The following PPP4R2 variants were observed in gnomAD, a reference collection of about 807,000 sequenced individuals.
PPP4R2 encodes the protein serine/threonine-protein phosphatase 4 regulatory subunit 2.
PPP4R2 carries 13 observed loss-of-function variants against 47.2 expected under a neutral mutation model. That is an observed-to-expected ratio of 0.28 (90% CI 0.18 to 0.44). The LOEUF is 0.44. Among genes scored for constraint, PPP4R2 ranks in the 20% least tolerant of loss-of-function variants. PPP4R2 has a pLI of 1.00. For missense variants in PPP4R2, 421 were observed against 491.2 expected, an observed-to-expected ratio of 0.86 and a Z score of 1.35; for synonymous variants, 151 against 163.3, an observed-to-expected ratio of 0.92 and a Z score of 0.57.
At chr3:73,037,507 C>A (rs550051308) in intron 2 of PPP4R2, among the ~76,000 whole-genome samples, 3 of 151,916 alleles carry the variant, frequency 2.0e-5, no homozygotes, top group Admixed American at 6.6e-5. Context: ...TGACTAGAGA[C>A]TTTTTTTTAC....
At chr3:73,044,635 A>G (rs1702448312) in intron 2 of PPP4R2, among the ~76,000 whole-genome samples, 1 of 151,442 alleles carries the variant, frequency 6.6e-6, no homozygotes, top group Admixed American at 6.6e-5. Context: ...ATACTTGTTC[A>G]CTTGTTTTTT....
chr3:73,060,257 T>C (rs749057728), intron 4 of PPP4R2, among the ~76,000 whole-genome samples: 6 of 152,192 alleles, frequency 3.9e-5, no homozygotes, highest in Non-Finnish European at 7.3e-5. Context: ...TTGAATAATA[T>C]CCCCAAAGGC....
chr3:73,045,394 T>C (rs1290800872), intron 2 of PPP4R2, among the ~76,000 whole-genome samples: 1 of 152,194 alleles, frequency 6.6e-6, no homozygotes, highest in African/African-American at 2.4e-5. Flanking sequence ...AGAATAAAAA[T>C]TGTCCAGACT....
chr3:73,063,922 G>A (rs1702927602), intron 6 of PPP4R2, 81 bp from the exon 7 acceptor site: 1 of 1,277,184 alleles, frequency 7.8e-7, no homozygotes, highest in Non-Finnish European at 1.1e-6. Context: ...AAATACTTCT[G>A]TGATGTATTC....
chr3:73,040,038 G>A (rs1430552991), intron 2 of PPP4R2, among the ~76,000 whole-genome samples: 1 of 152,142 alleles, frequency 6.6e-6, no homozygotes, highest in Non-Finnish European at 1.5e-5. Flanking sequence ...GGCGACAAGA[G>A]TGAAACTCTG....
At chr3:73,062,466 T>C (rs1553651759) in intron 5 of PPP4R2, 20 of 1,612,832 alleles carry the variant, frequency 1.2e-5, no homozygotes, top group Admixed American at 5.0e-5. Flanking sequence ...TTTAGTATTC[T>C]TGTGTTTCAT....
intron 2 of PPP4R2, among the ~76,000 whole-genome samples, chr3:73,036,847 C>G (rs1702271520): frequency 1.4e-5 from 2 of 147,114 alleles, no homozygotes; most frequent in African/African-American, 5.0e-5. Flanking sequence ...AAACGAATAC[C>G]AAAATATTAG....
chr3:73,063,356 C>G (rs979926877), intron 5 of PPP4R2: 18 of 212,060 alleles, frequency 8.5e-5, no homozygotes, highest in African/African-American at 3.0e-4. Context: ...GGTGTGGTGG[C>G]TTAACGCCTG....
chr3:72,998,368 G>GT (rs1701394209), intron 2 of PPP4R2, among the ~76,000 whole-genome samples: 1 of 152,158 alleles, frequency 6.6e-6, no homozygotes, highest in Non-Finnish European at 1.5e-5. Flanking sequence ...AAAAACCTGT[G>GT]TATGTTAAAA....
At chr3:73,053,534 A>G (rs1289869018) in intron 3 of PPP4R2, among the ~76,000 whole-genome samples, 2 of 152,204 alleles carry the variant, frequency 1.3e-5, no homozygotes, top group Admixed American at 6.5e-5. Flanking sequence ...AGCTTTGACA[A>G]TTGCTATAGA....
chr3:73,053,247 C>A (rs749124698), intron 3 of PPP4R2, among the ~76,000 whole-genome samples: 47 of 147,498 alleles, frequency 3.2e-4, no homozygotes, highest in Non-Finnish European at 6.1e-4. Context: ...CAAACCCACA[C>A]CCACCCACCC....
chr3:73,001,922 C>T (rs114023959), intron 2 of PPP4R2, among the ~76,000 whole-genome samples: 27 of 152,274 alleles, frequency 1.8e-4, no homozygotes, highest in South Asian at 6.2e-4. Context: ...CCATCGCCCC[C>T]GGCCCCATCT....
chr3:73,006,910 G>T (rs1701621196), intron 2 of PPP4R2, among the ~76,000 whole-genome samples: 1 of 150,250 alleles, frequency 6.7e-6, no homozygotes, highest in Non-Finnish European at 1.5e-5. Context: ...TAATGTTGAG[G>T]TCATGTGACT....
chr3:73,006,545 A>G (rs1055228824), intron 2 of PPP4R2, among the ~76,000 whole-genome samples: 2 of 152,090 alleles, frequency 1.3e-5, no homozygotes, highest in African/African-American at 4.8e-5. Context: ...GAAGTGTTTT[A>G]AGAACACGGC....
intron 2 of PPP4R2, among the ~76,000 whole-genome samples, chr3:73,026,778 C>A (rs1373865368): frequency 6.6e-6 from 1 of 152,124 alleles, no homozygotes; most frequent in Non-Finnish European, 1.5e-5. Context: ...AAGACAATTT[C>A]TCTTCCAGTG....
chr3:73,047,537 TA>T (rs1002983397), intron 3 of PPP4R2, among the ~76,000 whole-genome samples, 181 bp downstream of exon 3: 2 of 152,230 alleles, frequency 1.3e-5, no homozygotes, highest in Non-Finnish European at 2.9e-5. Flanking sequence ...TGTAGCCTCT[TA>T]AAAAACTTGA....
chr3:73,014,747 T>C (rs772299990), intron 2 of PPP4R2, among the ~76,000 whole-genome samples: 4 of 152,252 alleles, frequency 2.6e-5, no homozygotes, highest in Non-Finnish European at 5.9e-5. Flanking sequence ...GTTGTTCCTT[T>C]TTCAGATTTT....
At chr3:73,046,349 T>G (rs541205375) in intron 2 of PPP4R2, among the ~76,000 whole-genome samples, 1 of 152,198 alleles carries the variant, frequency 6.6e-6, no homozygotes, top group Non-Finnish European at 1.5e-5. Flanking sequence ...TGTGTAAATT[T>G]GTTTAAGTAG....
In PPP4R2 at chr3:72,998,130, T is replaced by C; in HGVS notation, c.88T>C (p.Cys30Arg). ...TTGTCCTGTCCTGGATCAGTTTCTT[T>C]GTCATGTAGCCAAGACTGGAGAAAC... ...EVCPVLDQFL[C>R]HVAKTGETMI... is the part of the protein sequence containing the mutation. The change falls in exon 2 of 9, where the codon TGT becomes CGT. Residue 30 changes from cysteine (C) to arginine (R), a missense_variant. This residue lies in a region of PPP4R2 where 104 missense variants were observed against 203.7 expected (regional missense o/e 0.51). Coordinates refer to ENST00000356692, the MANE Select transcript of PPP4R2 (RefSeq NM_174907.4). 1 of 1,609,638 alleles carries C rather than the reference T, an allele frequency of 6.2e-7. No individual in the cohort carries two copies. The highest frequency in any genetic ancestry group is 1.1e-5 in the South Asian group (1 of 89,648).
Sources: allele counts gnomAD v4.1 joint callset (sites outside exome capture counted in the v4.1 genomes callset), GRCh38; gene constraint gnomAD v4.1.1; regional missense constraint gnomAD v4.1.1; transcripts MANE v1.5; gene names NCBI Gene and HGNC (gene_info 2026-07-23, HGNC 2026-07-21).